Variants in STK3 observed in about 807,000 individuals in gnomAD.
The protein encoded by STK3 is serine/threonine-protein kinase 3.
STK3 carries 41 observed loss-of-function variants against 58.0 expected under a neutral mutation model. The ratio of observed to expected loss-of-function variants is 0.71; its 90% confidence interval spans 0.55 to 0.92. The LOEUF is 0.92. Among genes scored for constraint, STK3 ranks in the 40% least tolerant of loss-of-function variants. The pLI is 0.00. For synonymous variants in STK3, 170 were observed against 191.0 expected (o/e 0.89, Z 0.91); for missense variants, 479 against 602.7 (o/e 0.79, Z 2.15).
chr8:98,625,103 TAAC>T (rs905254380), intron 6 of STK3, among the ~76,000 whole-genome samples: 2 of 152,132 alleles, frequency 1.3e-5, no homozygotes, highest in African/African-American at 4.8e-5. Flanking sequence ...TTCTTATATG[TAAC>T]ACCACAGAGA....
intron 3 of STK3, among the ~76,000 whole-genome samples, chr8:98,831,180 T>C (rs1835522499): frequency 6.6e-6 from 1 of 152,186 alleles, no homozygotes; most frequent in Non-Finnish European, 1.5e-5. Flanking sequence ...TCTTTGTAAC[T>C]GAATACGTAC....
intron 10 of STK3, among the ~76,000 whole-genome samples, chr8:98,477,154 C>G (rs1161834441): frequency 1.3e-5 from 2 of 152,202 alleles, no homozygotes; most frequent in Admixed American, 6.5e-5. Flanking sequence ...CTACTCTGCC[C>G]AAGCTCCTCT....
chr8:98,782,081 C>T (rs1388764780), intron 1 of STK3: 1 of 234,466 alleles, frequency 4.3e-6, no homozygotes, highest in African/African-American at 2.3e-5. Flanking sequence ...CCTCTAGTGT[C>T]CTCCGCTGTG....
At chr8:98,748,848 T>A (rs982905426) in intron 4 of STK3, among the ~76,000 whole-genome samples, 41 of 152,066 alleles carry the variant, frequency 2.7e-4, no homozygotes, top group African/African-American at 7.7e-4. Flanking sequence ...TGTTTTTTTT[T>A]AATTCAGAAG....
intron 2 of STK3, among the ~76,000 whole-genome samples, chr8:98,770,376 G>A (rs1831228594): frequency 6.6e-6 from 1 of 152,162 alleles, no homozygotes; most frequent in African/African-American, 2.4e-5. Flanking sequence ...ATTTTTATCA[G>A]AACCCTAAAG....
chr8:98,762,789 A>G (rs1830714144), intron 3 of STK3, among the ~76,000 whole-genome samples: 1 of 152,200 alleles, frequency 6.6e-6, no homozygotes, highest in South Asian at 2.1e-4. Flanking sequence ...CCTGCCACAT[A>G]GTATTGCTAA....
At position 98,409,406 on chromosome 8, in the gene STK3, C is replaced by T. The variant is rs1818031508; in HGVS notation, n.484-7893G>A. ...CACGAGGAGCCCGTGAGGCACTGAC[C>T]CTCTGCCATTCCCTGCATCCTTCAG... On this transcript the variant is annotated intron_variant and non_coding_transcript_variant, in intron 3 of 3. Coordinates refer to the STK3 transcript ENST00000517832. 4.6e-5 allele frequency among the ~76,000 whole-genome samples: 7 copies of T among 152,298 alleles called. No individual in the cohort carries two copies. The South Asian group carries it at 1.5e-3, about 32-fold the overall frequency.
At chr8:98,617,635 C>G (rs1257115039) in intron 6 of STK3, among the ~76,000 whole-genome samples, 1 of 151,926 alleles carries the variant, frequency 6.6e-6, no homozygotes, top group Admixed American at 6.5e-5. Flanking sequence ...GGGGATATCA[C>G]CACCGATCCC....
chr8:98,383,890 A>C (rs1448995505), intron 1 of STK3, among the ~76,000 whole-genome samples: 1 of 152,274 alleles, frequency 6.6e-6, no homozygotes, highest in Non-Finnish European at 1.5e-5. Context: ...CCAGGGCAAC[A>C]GATGGTCATC....
At chr8:98,347,085 G>A in the STK3 span, among the ~76,000 whole-genome samples, 1 of 151,844 alleles carries the variant, frequency 6.6e-6, no homozygotes, top group Non-Finnish European at 1.5e-5. Flanking sequence ...ACATAAAAAT[G>A]CTATAATATC....
intron 10 of STK3, among the ~76,000 whole-genome samples, chr8:98,471,714 G>A (rs558434968): frequency 1.3e-5 from 2 of 152,232 alleles, no homozygotes; most frequent in African/African-American, 4.8e-5. Flanking sequence ...GGGACTGTCT[G>A]TAATTCAAAA....
chr8:98,801,715 C>A (rs950229945), intron 1 of STK3, among the ~76,000 whole-genome samples: 3 of 152,188 alleles, frequency 2.0e-5, no homozygotes, highest in African/African-American at 7.2e-5. Flanking sequence ...CTGTAACACT[C>A]ACCACAAGGG....
the STK3 span, among the ~76,000 whole-genome samples, chr8:98,362,408 G>A: frequency 2.0e-5 from 3 of 152,142 alleles, no homozygotes; most frequent in Admixed American, 1.3e-4. Flanking sequence ...CCCTTTACAG[G>A]TTGAGCTGGG....
At chr8:98,696,552 A>G in intron 6 of STK3, among the ~76,000 whole-genome samples, 1 of 152,056 alleles carries the variant, frequency 6.6e-6, no homozygotes, top group Non-Finnish European at 1.5e-5. Flanking sequence ...ATTTATGGAG[A>G]GTTTTTAGCA....
chr8:98,868,766 C>T (rs899663608), intron 3 of STK3, among the ~76,000 whole-genome samples: 17 of 151,682 alleles, frequency 1.1e-4, no homozygotes, highest in Middle Eastern at 6.8e-3. Flanking sequence ...CTCAGGAGTT[C>T]GAGACCAGCC....
At chr8:98,555,884 A>G (rs1811551290) in intron 8 of STK3, among the ~76,000 whole-genome samples, 1 of 151,946 alleles carries the variant, frequency 6.6e-6, no homozygotes, top group South Asian at 2.1e-4. Context: ...GCATGTGATG[A>G]TGGGGGTGGG....
chr8:98,706,493 G>C lies in STK3; in HGVS notation c.658C>G (p.Pro220Ala). 2 of 1,613,426 alleles carry C rather than the reference G, an allele frequency of 1.2e-6. No individual in the cohort carries two copies. Among genetic ancestry groups the C allele is most frequent in the East Asian group, 2.2e-5 (1 of 44,838 alleles). Residue 220 changes from proline (P) to alanine (A), a missense_variant, in exon 6 of 11, where the codon CCT (proline) becomes GCT (alanine). Pro to Ala is a conservative substitution (Grantham distance 27). Around this residue, in one of 3 missense-constraint regions of STK3, gnomAD observed 309 missense variants for 355.7 expected, o/e 0.87. Transcript: ENST00000419617. ...TSIEMAEGKP[P>A]YADIHPMRAI... ...CTCATTGGATGTATATCAGCATAAG[G>C]AGGTTTTCCTTCAGCCATTTCTATA...
chr8:98,418,777 T>C (rs1818138714), intron 3 of STK3, among the ~76,000 whole-genome samples: 1 of 152,166 alleles, frequency 6.6e-6, no homozygotes, highest in African/African-American at 2.4e-5. Context: ...ACTCCATATC[T>C]AGGTGAATTC....
intron 1 of STK3, among the ~76,000 whole-genome samples, chr8:98,797,408 A>G (rs1833246695): frequency 6.6e-6 from 1 of 152,126 alleles, no homozygotes; most frequent in Non-Finnish European, 1.5e-5. Flanking sequence ...TTGGAAGACA[A>G]TATTTTTAAA....
Sources: gnomAD v4.1 joint callset for allele counts (sites outside exome capture counted in the v4.1 genomes callset) on GRCh38, gnomAD v4.1.1 for gene constraint, gnomAD v4.1.1 regional missense constraint, MANE v1.5 for transcripts, NCBI Gene and HGNC (gene_info 2026-07-23, HGNC 2026-07-21) for gene names.